Variants in WLS observed in about 807,000 individuals in gnomAD.
The protein encoded by WLS is Wnt ligand secretion mediator.
Under a neutral mutation model 62.8 loss-of-function variants are expected in WLS, and 23 were observed. That is an observed-to-expected ratio of 0.37 (90% confidence interval 0.26 to 0.52). The LOEUF (loss-of-function observed/expected upper bound fraction) is 0.52. Among genes scored for constraint, WLS ranks in the 20% least tolerant of loss-of-function variants. WLS has a pLI of 0.92. For missense variants in WLS, 615 were observed against 697.3 expected (o/e 0.88, Z 1.33); for synonymous variants, 246 against 244.1 (o/e 1.01, Z -0.07).
At chr1:68,228,840 G>A (rs1650273868) in intron 1 of WLS, among the ~76,000 whole-genome samples, 1 of 41,586 alleles carries the variant, frequency 2.4e-5, no homozygotes. Context: ...AGACACTGGT[G>A]CCAAAAAAAA....
chr1:68,188,541 G>T (rs879595082), intron 2 of WLS, among the ~76,000 whole-genome samples: 4 of 152,210 alleles, frequency 2.6e-5, no homozygotes, highest in Admixed American at 2.6e-4. Context: ...AATGAAGAAT[G>T]CGTAAGGAAA....
In WLS at chr1:68,125,411, G is replaced by T; in HGVS notation, c.*815C>A. The T allele has an allele frequency of 1.0e-6, 1 of 975,520 alleles. No homozygotes were observed. Among genetic ancestry groups the T allele is most frequent in the Non-Finnish European group, 1.2e-6 (1 of 825,536 alleles). The allele number at this position is 975,520 out of a possible 1,614,324, so 60.4% of individuals were successfully genotyped here. ...TGTACACATATGCATATACATACAGGTTTATTTAAATGATTGGATCTACAC... is the reference window on the plus strand; with the variant it reads ...TGTACACATATGCATATACATACAGTTTTATTTAAATGATTGGATCTACAC... On this transcript the variant is annotated 3_prime_UTR_variant, in exon 12 of 12. Coordinates refer to ENST00000262348, the MANE Select transcript of WLS (RefSeq NM_024911.7).
chr1:68,209,336 A>C, intron 1 of WLS, among the ~76,000 whole-genome samples: 1 of 152,220 alleles, frequency 6.6e-6, no homozygotes. Flanking sequence ...AGTTCTCAGC[A>C]ATTCATAACC....
chr1:68,215,864 G>T (rs1474043909), intron 1 of WLS, among the ~76,000 whole-genome samples: 1 of 152,142 alleles, frequency 6.6e-6, no homozygotes, highest in East Asian at 1.9e-4. Context: ...CAGTAAATTA[G>T]TTTCACCCTC....
At chr1:68,142,732 C>T (rs952764246) in intron 10 of WLS, 2 of 152,120 alleles carry the variant, frequency 1.3e-5, no homozygotes, top group Admixed American at 6.6e-5. Flanking sequence ...ATTTTTTCCA[C>T]GTTCATTTCA....
intron 2 of WLS, among the ~76,000 whole-genome samples, chr1:68,168,611 A>G (rs998093291): frequency 6.6e-6 from 1 of 152,236 alleles, no homozygotes; most frequent in African/African-American, 2.4e-5. Flanking sequence ...AAAAGCTTTT[A>G]GGTTCCTAGA....
chr1:68,112,920 G>C (rs535106751), intron 11 of WLS, among the ~76,000 whole-genome samples: 1 of 152,336 alleles, frequency 6.6e-6, no homozygotes, highest in Non-Finnish European at 1.5e-5. Context: ...AAGGAATTTG[G>C]CTCCCTGCCT....
intron 10 of WLS, among the ~76,000 whole-genome samples, chr1:68,142,000 C>T (rs1405906828): frequency 6.6e-6 from 1 of 152,196 alleles, no homozygotes; most frequent in Admixed American, 6.5e-5. Context: ...AAAAGCCAGC[C>T]ACAGGCTGAA....
At chr1:68,208,548 G>C (rs931818665) in intron 1 of WLS, among the ~76,000 whole-genome samples, 2 of 152,190 alleles carry the variant, frequency 1.3e-5, no homozygotes, top group African/African-American at 4.8e-5. Context: ...AGAAAATAGG[G>C]ATTGCTAGAA....
intron 2 of WLS, chr1:68,176,343 C>T (rs1213720435): frequency 6.6e-6 from 1 of 152,218 alleles, no homozygotes; most frequent in Non-Finnish European, 1.5e-5. Flanking sequence ...GCCCTGGGAG[C>T]ACAGCCCTAA....
intron 2 of WLS, among the ~76,000 whole-genome samples, chr1:68,190,016 A>T (rs12145412): frequency 6.6e-6 from 1 of 152,062 alleles, no homozygotes; most frequent in East Asian, 1.9e-4. Context: ...CTCAAAAAAA[A>T]TAAATAAAAA....
At chr1:68,225,961 A>G (rs1375668900) in intron 1 of WLS, among the ~76,000 whole-genome samples, 1 of 152,220 alleles carries the variant, frequency 6.6e-6, no homozygotes, top group Non-Finnish European at 1.5e-5. Flanking sequence ...CAATTGGATG[A>G]TTCATACAAT....
chr1:68,215,996 A>C (rs1649712858), intron 1 of WLS, among the ~76,000 whole-genome samples: 1 of 152,212 alleles, frequency 6.6e-6, no homozygotes, highest in African/African-American at 2.4e-5. Flanking sequence ...GTGTTGAATA[A>C]ATATGTAAAG....
chr1:68,109,598 T>A (rs1209741291), intron 11 of WLS, among the ~76,000 whole-genome samples: 1 of 152,136 alleles, frequency 6.6e-6, no homozygotes. Flanking sequence ...ACATAACTTT[T>A]AGAAATGAAA....
At chr1:68,226,622 T>C (rs1650151094) in intron 1 of WLS, among the ~76,000 whole-genome samples, 1 of 152,188 alleles carries the variant, frequency 6.6e-6, no homozygotes, top group African/African-American at 2.4e-5. Flanking sequence ...AGGAAATCTT[T>C]TGTTGTAAAC....
chr1:68,123,911 C>CTAGGA (rs1439600464), downstream of WLS, among the ~76,000 whole-genome samples: 1 of 152,142 alleles, frequency 6.6e-6, no homozygotes, highest in Non-Finnish European at 1.5e-5. Flanking sequence ...TTCCATGGAT[C>CTAGGA]TCTCATATAT....
At chr1:68,133,712 C>G (rs1176875318) in intron 11 of WLS, among the ~76,000 whole-genome samples, 1 of 152,216 alleles carries the variant, frequency 6.6e-6, no homozygotes, top group Non-Finnish European at 1.5e-5. Flanking sequence ...TCTGTCCATT[C>G]TATGACCAAA....
intron 11 of WLS, among the ~76,000 whole-genome samples, chr1:68,127,865 T>A (rs1021339209): frequency 3.3e-5 from 5 of 152,178 alleles, no homozygotes; most frequent in Admixed American, 3.3e-4. Context: ...GAACCCCAGA[T>A]GTCACTCCCA....
Position 68,150,354 on chromosome 1 carries a change from A to G in WLS, c.806T>C (p.Val269Ala). The change falls in exon 6 of 12, where the codon GTC (valine) becomes GCC (alanine). Residue 269 changes from valine (V) to alanine (A), a missense_variant and splice_region_variant. Val to Ala is a moderately conservative substitution (Grantham distance 64, BLOSUM62 0). Coordinates refer to ENST00000262348, the MANE Select transcript of WLS (RefSeq NM_024911.7). ...CATGGAAATCCCAAGGGCAAAGATG[A>G]CTCTGATGGTGAGAAAATATCAGGA... is the stretch of plus-strand genomic sequence containing the variant. ...MSRPPVLLEK[V>A]IFALGISMTF... 9.9e-6 allele frequency: 16 copies of G among 1,613,834 alleles called. No homozygotes were observed. The highest frequency in any genetic ancestry group is 1.4e-5 in the Non-Finnish European group (16 of 1,179,884).
Sources: allele counts gnomAD v4.1 joint callset (sites outside exome capture counted in the v4.1 genomes callset), GRCh38; gene constraint gnomAD v4.1.1; transcripts MANE v1.5; gene names NCBI Gene and HGNC (gene_info 2026-07-23, HGNC 2026-07-21).